Variants in NADSYN1 observed in about 807,000 individuals in gnomAD.
NADSYN1 encodes the protein glutamine-dependent NAD(+) synthetase.
NADSYN1 carries 80 observed loss-of-function variants against 99.3 expected under a neutral mutation model. That is an observed-to-expected ratio of 0.81 (90% CI 0.67 to 0.97). The LOEUF (loss-of-function observed/expected upper bound fraction) is 0.97, where lower values mean the gene tolerates loss of function less well. Among genes scored for constraint, NADSYN1 ranks in the 50% least tolerant of loss-of-function variants. The probability of loss-of-function intolerance (pLI) is 0.00; values close to 1 mark genes in which losing one functional copy is unlikely to be tolerated. For missense variants in NADSYN1, 859 were observed against 948.5 expected (o/e 0.91, Z 1.24); for synonymous variants, 385 against 372.1 (o/e 1.03, Z -0.40).
intron 9 of NADSYN1, 114 bp downstream of exon 9, chr11:71,474,640 G>T (rs1176921506): frequency 1.4e-6 from 2 of 1,420,454 alleles, no homozygotes; most frequent in African/African-American, 2.8e-5. Context: ...GAAGCCCCCG[G>T]GGGTCCCGCC....
At chr11:71,459,291 G>T (rs1267012223) in intron 3 of NADSYN1, among the ~76,000 whole-genome samples, 1 of 149,982 alleles carries the variant, frequency 6.7e-6, no homozygotes, top group African/African-American at 2.5e-5. Context: ...CCCTATGGAG[G>T]CCTCTGTGTG....
intron 10 of NADSYN1, 95 bp from the exon 11 acceptor site, chr11:71,480,660 T>C: frequency 6.3e-7 from 1 of 1,581,544 alleles, no homozygotes; most frequent in Non-Finnish European, 8.6e-7. Flanking sequence ...CATGCGTTTC[T>C]GTGGCTGATG....
chr11:71,498,195 G>A (rs1226627338), intron 19 of NADSYN1, among the ~76,000 whole-genome samples, 157 bp from the exon 20 acceptor site: 3 of 152,198 alleles, frequency 2.0e-5, no homozygotes, highest in South Asian at 2.1e-4. Flanking sequence ...CAGTGTCCCC[G>A]GCCTGAGCAC....
chr11:71,461,065 C>T (rs185715285), intron 3 of NADSYN1: 2 of 152,290 alleles, frequency 1.3e-5, no homozygotes, highest in African/African-American at 4.8e-5. Flanking sequence ...GTTTTTGTCT[C>T]TTTTAATTTG....
intron 10 of NADSYN1, 46 bp from the exon 11 acceptor site, chr11:71,480,708 GT>G (rs768840321): frequency 1.4e-5 from 22 of 1,612,944 alleles, no homozygotes; most frequent in Non-Finnish European, 1.8e-5. Context: ...GACCCAGAGG[GT>G]TTCCGTGAAG....
At chr11:71,483,918 G>A (rs1045091958) in intron 14 of NADSYN1, among the ~76,000 whole-genome samples, 3 of 152,198 alleles carry the variant, frequency 2.0e-5, no homozygotes, top group African/African-American at 2.4e-5. Context: ...GACATGGTGC[G>A]GATGAAGGGA....
At chr11:71,476,641 C>G in intron 9 of NADSYN1, 5 of 986,032 alleles carry the variant, frequency 5.1e-6, no homozygotes, top group Non-Finnish European at 6.0e-6. Flanking sequence ...TGCGCTTCAT[C>G]ATTAACCGCG....
chr11:71,461,497 C>T (rs1156551579), intron 3 of NADSYN1, among the ~76,000 whole-genome samples: 5 of 152,138 alleles, frequency 3.3e-5, no homozygotes, highest in South Asian at 4.1e-4. Flanking sequence ...GGTGCGATCT[C>T]GGCTCACTGC....
At chr11:71,492,887 A>AT (rs140022237) in intron 18 of NADSYN1, among the ~76,000 whole-genome samples, 192 of 142,600 alleles carry the variant, frequency 1.3e-3, no homozygotes, top group Admixed American at 1.7e-3. Flanking sequence ...TTGTCTCTAA[A>AT]TTTTTTTTTT....
rs150859701 is a variant in NADSYN1 at position 71,501,313 on chromosome 11, C to G, written c.2082C>G (p.Leu694=). 2.1e-5 allele frequency: 34 copies of G among 1,599,130 alleles called. No homozygotes were observed. Among genetic ancestry groups the G allele is most frequent in the South Asian group, 1.7e-4 (15 of 88,342 alleles). The part of the protein sequence containing the change: ...FRCIENQVLQ[L]ERAEPQSLDG... ...GCCTCTCTTTCCAGGTGCTACAGCT[C>G]GAGAGGGCAGAGCCACAGTCCCTGG... Residue 694 remains leucine, a synonymous_variant, in exon 21 of 21, where the codon CTC becomes CTG. Transcript: ENST00000319023.
intron 5 of NADSYN1, chr11:71,466,695 C>T (rs1458429728): frequency 6.6e-6 from 1 of 152,284 alleles, no homozygotes; most frequent in African/African-American, 2.4e-5. Context: ...CCACTCACTC[C>T]TTTGCTGCTT....
chr11:71,489,972 G>T (rs541081594), intron 16 of NADSYN1, among the ~76,000 whole-genome samples: 2 of 152,196 alleles, frequency 1.3e-5, no homozygotes, highest in Admixed American at 1.3e-4. Flanking sequence ...CGTTGGCAGC[G>T]GGGTGGGGTG....
intron 18 of NADSYN1, among the ~76,000 whole-genome samples, chr11:71,495,997 C>G (rs1327793802): frequency 6.6e-6 from 1 of 152,202 alleles, no homozygotes; most frequent in South Asian, 2.1e-4. Context: ...GTGATACCAG[C>G]GGCACCCTGT....
At chr11:71,473,212 A>G (rs1949639856) in intron 6 of NADSYN1, 66 bp from the exon 7 acceptor site, 1 of 1,446,122 alleles carries the variant, frequency 6.9e-7, no homozygotes, top group Admixed American at 1.7e-5. Context: ...CCGTGGCCCT[A>G]GGTAGTGCGT....
At chr11:71,480,653 G>A in intron 10 of NADSYN1, 102 bp from the exon 11 acceptor site, 3 of 1,566,038 alleles carry the variant, frequency 1.9e-6, no homozygotes, top group Non-Finnish European at 2.6e-6. Flanking sequence ...GTTTTGACAT[G>A]CGTTTCTGTG....
rs1474100761 is a variant in NADSYN1, at chr11:71,501,332, T to C, written c.2101T>C (p.Ser701Pro). Residue 701 changes from serine to proline, a missense_variant, in exon 21 of 21, where the codon TCC (serine) becomes CCC (proline). Coordinates refer to ENST00000319023, the MANE Select transcript of NADSYN1 (RefSeq NM_018161.5). ...VLQLERAEPQ[S>P]LDGVD ...ACAGCTCGAGAGGGCAGAGCCACAG[T>C]CCCTGGACGGCGTGGACTGAGGCCG... is the stretch of plus-strand genomic sequence containing the variant. 6.2e-7 allele frequency: 1 copy of C among 1,607,572 alleles called. No homozygotes were observed. The highest frequency in any genetic ancestry group is 1.7e-5 in the Admixed American group (1 of 59,372).
chr11:71,462,654 C>T (rs1340794186), intron 3 of NADSYN1, among the ~76,000 whole-genome samples: 1 of 152,210 alleles, frequency 6.6e-6, no homozygotes, highest in Non-Finnish European at 1.5e-5. Context: ...CTTTTGGGTT[C>T]ACACCGGTTA....
chr11:71,498,782 C>A, intron 20 of NADSYN1: 1 of 366,586 alleles, frequency 2.7e-6, no homozygotes, highest in Non-Finnish European at 5.0e-6. Flanking sequence ...ATGGCTAAGT[C>A]AAGCTATTTC....
At chr11:71,471,544 G>C (rs970963161) in intron 5 of NADSYN1, among the ~76,000 whole-genome samples, 1 of 152,180 alleles carries the variant, frequency 6.6e-6, no homozygotes, top group Admixed American at 6.5e-5. Flanking sequence ...TGTCCAGGGT[G>C]TCTTTGCATG....
Sources: gnomAD v4.1 joint callset for allele counts (sites outside exome capture counted in the v4.1 genomes callset) on GRCh38, gnomAD v4.1.1 for gene constraint, MANE v1.5 for transcripts, NCBI Gene and HGNC (gene_info 2026-07-23, HGNC 2026-07-21) for gene names.